The following MAP1LC3B2 variants were observed in gnomAD, a reference collection of about 807,000 sequenced individuals.
MAP1LC3B2 encodes the protein microtubule associated protein 1 light chain 3 beta 2, also known as microtubule-associated protein 1 light chain 3 beta 2.
For missense variants in MAP1LC3B2, 155 were observed against 154.6 expected (o/e 1.00, Z -0.01); for synonymous variants, 62 against 57.8 (o/e 1.07, Z -0.33).
At chr12:116,574,996 GT>G (rs1566025440) in intron 1 of MAP1LC3B2, among the ~76,000 whole-genome samples, 1 of 151,484 alleles carries the variant, frequency 6.6e-6, no homozygotes, top group African/African-American at 2.4e-5. Flanking sequence ...CCTGACCAAC[GT>G]GGAGAAACCC....
chr12:116,574,383 T>C (rs1234862155), intron 1 of MAP1LC3B2, among the ~76,000 whole-genome samples: 1 of 152,096 alleles, frequency 6.6e-6, no homozygotes, highest in Non-Finnish European at 1.5e-5. Context: ...GGCTCACACC[T>C]GCAATCTACC....
intron 1 of MAP1LC3B2, among the ~76,000 whole-genome samples, chr12:116,574,549 G>T (rs1251441168): frequency 6.6e-6 from 1 of 152,016 alleles, no homozygotes; most frequent in Non-Finnish European, 1.5e-5. Context: ...GGGAGGCTGA[G>T]GTAGGAGGAT....
At chr12:116,569,461 G>A (rs1869473147) in intron 1 of MAP1LC3B2, among the ~76,000 whole-genome samples, 1 of 152,168 alleles carries the variant, frequency 6.6e-6, no homozygotes, top group Non-Finnish European at 1.5e-5. Flanking sequence ...CCTGTGGATT[G>A]TGGCAATGTA....
chr12:116,561,178 G>A (rs1869262740), intron 1 of MAP1LC3B2, among the ~76,000 whole-genome samples: 1 of 152,054 alleles, frequency 6.6e-6, no homozygotes, highest in African/African-American at 2.4e-5. Context: ...GTGAGGCTGA[G>A]ACAGGAGGAT....
At chr12:116,570,364 G>A (rs546828370) in intron 1 of MAP1LC3B2, among the ~76,000 whole-genome samples, 1 of 152,232 alleles carries the variant, frequency 6.6e-6, no homozygotes, top group South Asian at 2.1e-4. Flanking sequence ...TATAAAATAG[G>A]CTTTGTGTTA....
chr12:116,568,042 T>C (rs1043568787), intron 1 of MAP1LC3B2, among the ~76,000 whole-genome samples: 1 of 152,202 alleles, frequency 6.6e-6, no homozygotes, highest in East Asian at 1.9e-4. Context: ...AATGATTAAG[T>C]GAGTAAATGT....
rs71095564 is a variant in MAP1LC3B2, at chr12:116,571,458, C to CTTTTTTTTTTTTT, written c.-101-4356_-101-4344dup. Among the ~76,000 whole-genome samples the CTTTTTTTTTTTTT allele has an allele frequency of 3.1e-4, 15 of 48,110 alleles. 2 individuals carry two copies. The highest frequency in any genetic ancestry group is 6.9e-4 in the African/African-American group (8 of 11,610). The allele number at this position is 48,110 out of a possible 152,430, so 31.6% of individuals were successfully genotyped here. ...TAGATGGGAGTAAGGGACTGCTGTT[C>CTTTTTTTTTTTTT]TTTTTTTTTTTTTTTTTTTTTTTTT... On this transcript the variant is annotated intron_variant, in intron 1 of 1. Coordinates refer to ENST00000556529, the MANE Select transcript of MAP1LC3B2 (RefSeq NM_001085481.3).
intron 1 of MAP1LC3B2, among the ~76,000 whole-genome samples, chr12:116,565,239 AC>A (rs1869358374): frequency 6.6e-6 from 1 of 152,160 alleles, no homozygotes; most frequent in Non-Finnish European, 1.5e-5. Context: ...ATAAAGACAT[AC>A]TCGAGACTGG....
intron 1 of MAP1LC3B2, among the ~76,000 whole-genome samples, chr12:116,570,271 C>T (rs562682596): frequency 6.6e-6 from 1 of 152,278 alleles, no homozygotes; most frequent in South Asian, 2.1e-4. Flanking sequence ...TCAGTAGAAA[C>T]TGTACTTCAA....
intron 1 of MAP1LC3B2, among the ~76,000 whole-genome samples, chr12:116,569,594 C>A (rs1202071253): frequency 2.0e-5 from 3 of 152,086 alleles, no homozygotes; most frequent in African/African-American, 7.2e-5. Flanking sequence ...TTAATATATG[C>A]TAGTTGGAAT....
At chr12:116,573,485 A>G (rs1261607702) in intron 1 of MAP1LC3B2, among the ~76,000 whole-genome samples, 1 of 152,136 alleles carries the variant, frequency 6.6e-6, no homozygotes, top group Non-Finnish European at 1.5e-5. Context: ...ATAATTCATA[A>G]AGGATTAATA....
intron 1 of MAP1LC3B2, among the ~76,000 whole-genome samples, chr12:116,570,709 A>T (rs1869507517): frequency 1.3e-5 from 2 of 152,154 alleles, no homozygotes; most frequent in African/African-American, 4.8e-5. Flanking sequence ...AGCCACGTGG[A>T]ACCTCTTTTC....
At chr12:116,569,093 A>G (rs956224514) in intron 1 of MAP1LC3B2, among the ~76,000 whole-genome samples, 1 of 151,724 alleles carries the variant, frequency 6.6e-6, no homozygotes, top group Non-Finnish European at 1.5e-5. Context: ...CGATCTCCTG[A>G]CCTCATGATC....
chr12:116,569,490 G>A (rs1869474775), intron 1 of MAP1LC3B2, among the ~76,000 whole-genome samples: 1 of 152,136 alleles, frequency 6.6e-6, no homozygotes, highest in Non-Finnish European at 1.5e-5. Context: ...CTGTTTCATT[G>A]GCAAAACTGT....
chr12:116,559,457 A>G (rs1204253761), intron 1 of MAP1LC3B2, 24 bp downstream of exon 1: 1 of 152,330 alleles, frequency 6.6e-6, no homozygotes, highest in Non-Finnish European at 1.5e-5. Context: ...GCTGCCTCCC[A>G]GCCCCAGGGT....
chr12:116,560,735 C>A (rs1869249795), intron 1 of MAP1LC3B2, among the ~76,000 whole-genome samples: 1 of 151,834 alleles, frequency 6.6e-6, no homozygotes, highest in Admixed American at 6.6e-5. Context: ...CCTGGGTGGA[C>A]CTCAAATCCA....
At chr12:116,571,935 C>G (rs1869547179) in intron 1 of MAP1LC3B2, among the ~76,000 whole-genome samples, 1 of 142,488 alleles carries the variant, frequency 7.0e-6, no homozygotes, top group East Asian at 2.0e-4. Flanking sequence ...CAACATACTT[C>G]TTGTTTGTTT....
intron 1 of MAP1LC3B2, chr12:116,560,208 A>ATG (rs1566022548): frequency 1.7e-4 from 9 of 53,410 alleles, no homozygotes; most frequent in African/African-American, 6.3e-4. Context: ...ATATATATAT[A>ATG]TATATATATA....
rs1485374464 is a variant in MAP1LC3B2 at position 116,576,415 on chromosome 12, T to C, written c.*95T>C. On this transcript the variant is annotated 3_prime_UTR_variant, in exon 2 of 2. Transcript: ENST00000556529. ...AACTGAGATCGATCAGTTCATCTAA[T>C]CACAGATCATCAAACAGTAGTGTTC... 5 of 1,514,042 alleles carry C rather than the reference T, an allele frequency of 3.3e-6. No individual in the cohort carries two copies. The South Asian group carries it at 6.6e-5, about 20-fold the overall frequency. The allele number at this position is 1,514,042 out of a possible 1,614,324, so 93.8% of individuals were successfully genotyped here.
Sources: gnomAD v4.1 joint callset for allele counts (sites outside exome capture counted in the v4.1 genomes callset) on GRCh38, gnomAD v4.1.1 for gene constraint, MANE v1.5 for transcripts, NCBI Gene and HGNC (gene_info 2026-07-23, HGNC 2026-07-21) for gene names.